The following CAMTA1 variants were observed in gnomAD, a reference collection of about 807,000 sequenced individuals.
CAMTA1 encodes the protein calmodulin binding transcription activator 1, also known as calmodulin-binding transcription activator 1.
Under a neutral mutation model 170.9 loss-of-function variants are expected in CAMTA1, and 27 were observed. That is an observed-to-expected ratio of 0.16 (90% CI 0.12 to 0.22). The LOEUF is 0.22. Ranked by LOEUF, CAMTA1 falls within the 10% of genes least tolerant of loss-of-function variation. CAMTA1 has a pLI of 1.00. For synonymous variants in CAMTA1, 833 were observed against 891.5 expected, an observed-to-expected ratio of 0.93 and a Z score of 1.17; for missense variants, 1,619 against 2,217.2, an observed-to-expected ratio of 0.73 and a Z score of 5.42.
At chr1:7,460,131 C>A (rs2093047925) in intron 5 of CAMTA1, among the ~76,000 whole-genome samples, 2 of 152,254 alleles carry the variant, frequency 1.3e-5, no homozygotes, top group Admixed American at 1.3e-4. Context: ...TGCACTCGGC[C>A]CCTGCAGCTT....
chr1:7,006,016 G>T (rs531836179), intron 3 of CAMTA1, among the ~76,000 whole-genome samples: 27 of 152,200 alleles, frequency 1.8e-4, no homozygotes, highest in Non-Finnish European at 3.4e-4. Flanking sequence ...AGAGAGGACA[G>T]GGAAGGTAGC....
intron 6 of CAMTA1, among the ~76,000 whole-genome samples, chr1:7,528,167 C>T (rs1356104863): frequency 6.6e-6 from 1 of 152,168 alleles, no homozygotes; most frequent in African/African-American, 2.4e-5. Context: ...GCAGACTGAT[C>T]TTGTTCCTGA....
intron 4 of CAMTA1, among the ~76,000 whole-genome samples, chr1:7,209,677 C>A (rs754298687): frequency 4.6e-5 from 7 of 152,130 alleles, no homozygotes; most frequent in Non-Finnish European, 8.8e-5. Context: ...TCCTGGTTTA[C>A]CTTGAATGTT....
chr1:7,719,741 C>T (rs12078131), intron 11 of CAMTA1, among the ~76,000 whole-genome samples: 4,014 of 152,248 alleles, frequency 0.026, 178 homozygotes, highest in African/African-American at 0.092. Flanking sequence ...ACTCTCGTGG[C>T]ACCATTTATT....
intron 6 of CAMTA1, among the ~76,000 whole-genome samples, chr1:7,563,068 T>C (rs546443797): frequency 6.6e-6 from 1 of 152,276 alleles, no homozygotes; most frequent in East Asian, 1.9e-4. Context: ...TTTGTGGCCT[T>C]TGGACGCCCA....
chr1:7,444,048 G>A (rs2092619319), intron 5 of CAMTA1, among the ~76,000 whole-genome samples: 1 of 152,156 alleles, frequency 6.6e-6, no homozygotes, highest in African/African-American at 2.4e-5. Flanking sequence ...CTGGGAGCAG[G>A]GAAAAGTCAG....
chr1:7,264,983 C>T lies in CAMTA1; in HGVS notation c.438+15357C>T, dbSNP rs189370211. On this transcript the variant is annotated intron_variant, in intron 5 of 22. Coordinates refer to ENST00000303635, the MANE Select transcript of CAMTA1 (RefSeq NM_015215.4). The stretch of plus-strand genomic sequence containing the variant: ...GCAAGAGAATGCTCTGAGTAGCAGT[C>T]GCGGCTTCCTTGGCTGACACCAGGG... 2.8e-3 allele frequency among the ~76,000 whole-genome samples: 432 copies of T among 152,304 alleles called. 3 individuals carry two copies. Among genetic ancestry groups the T allele is most frequent in the African/African-American group, 9.8e-3 (406 of 41,562 alleles).
intron 3 of CAMTA1, among the ~76,000 whole-genome samples, chr1:6,837,681 C>G (rs1297206984): frequency 2.6e-5 from 4 of 152,092 alleles, no homozygotes; most frequent in African/African-American, 4.8e-5. Flanking sequence ...TGTTAATGTG[C>G]TAGTTAAAAT....
At chr1:6,865,005 A>G (rs368563327) in intron 3 of CAMTA1, among the ~76,000 whole-genome samples, 6 of 152,138 alleles carry the variant, frequency 3.9e-5, no homozygotes, top group East Asian at 1.9e-4. Context: ...GGGTCTCACT[A>G]TGTGGCCCAG....
chr1:7,275,033 T>G (rs1468150540), intron 5 of CAMTA1, among the ~76,000 whole-genome samples: 1 of 151,360 alleles, frequency 6.6e-6, no homozygotes, highest in Non-Finnish European at 1.5e-5. Flanking sequence ...TCCCAGCTAC[T>G]TGTGAGGCTG....
At chr1:7,382,262 C>G (rs1467309609) in intron 5 of CAMTA1, among the ~76,000 whole-genome samples, 1 of 152,234 alleles carries the variant, frequency 6.6e-6, no homozygotes, top group Non-Finnish European at 1.5e-5. Context: ...CAAAGGGAAA[C>G]AGATAGCTAT....
rs572344615 is a variant in CAMTA1, at chr1:7,457,575, G to T, written c.439-10255G>T. 4.6e-5 allele frequency among the ~76,000 whole-genome samples: 7 copies of T among 152,220 alleles called. No individual in the cohort carries two copies. In the South Asian group the frequency reaches 1.5e-3, roughly 32 times the overall value. On this transcript the variant is annotated intron_variant, in intron 5 of 22. Coordinates refer to ENST00000303635, the MANE Select transcript of CAMTA1 (RefSeq NM_015215.4). ...TGCACACCTCCCTGGTTCCTTTCTGGAGCACACACTGTTCTCCGCGACTCT... is the reference window on the plus strand; with the variant it reads ...TGCACACCTCCCTGGTTCCTTTCTGTAGCACACACTGTTCTCCGCGACTCT...
intron 14 of CAMTA1, 44 bp downstream of exon 14, chr1:7,737,053 T>C (rs1224477126): frequency 6.7e-7 from 1 of 1,502,656 alleles, no homozygotes; most frequent in Non-Finnish European, 9.3e-7. Context: ...GTTCTTCCAG[T>C]CTGGCATAGG....
chr1:7,585,764 C>T lies in CAMTA1; in HGVS notation c.511-54636C>T, dbSNP rs987547691. Among the ~76,000 whole-genome samples the T allele has an allele frequency of 2.7e-5, 4 of 150,940 alleles. No individual in the cohort carries two copies. The highest frequency in any genetic ancestry group is 4.4e-5 in the Non-Finnish European group (3 of 68,002). ...TCCTAGAGGGGGGCTCTCTTGTGGA[C>T]AGACAGGCCAGAGACACGGCTCATC... On this transcript the variant is annotated intron_variant, in intron 6 of 22. Coordinates refer to ENST00000303635, the MANE Select transcript of CAMTA1 (RefSeq NM_015215.4). The surrounding 1 kb of genome is among the most constrained non-coding windows in gnomAD (Gnocchi z 4.8).
chr1:7,225,659 TCAGA>T (rs1661573864), intron 4 of CAMTA1, among the ~76,000 whole-genome samples: 2 of 152,162 alleles, frequency 1.3e-5, no homozygotes, highest in South Asian at 2.1e-4. Flanking sequence ...GGGTGGAAGC[TCAGA>T]CACTTAGCAG....
At chr1:6,994,403 C>T (rs933572977) in intron 3 of CAMTA1, among the ~76,000 whole-genome samples, 4 of 152,126 alleles carry the variant, frequency 2.6e-5, no homozygotes, top group Non-Finnish European at 5.9e-5. Context: ...AACATGTCTT[C>T]ATTTTGCCTT....
At chr1:7,708,089 G>T (rs1272679878) in intron 11 of CAMTA1, among the ~76,000 whole-genome samples, 3 of 152,296 alleles carry the variant, frequency 2.0e-5, no homozygotes, top group Non-Finnish European at 4.4e-5. Flanking sequence ...CTAGCACTTT[G>T]GGAGGCTGAG....
At chr1:7,713,752 A>C (rs1274227512) in intron 11 of CAMTA1, among the ~76,000 whole-genome samples, 2 of 152,150 alleles carry the variant, frequency 1.3e-5, no homozygotes, top group Non-Finnish European at 2.9e-5. Context: ...TGAATACAAG[A>C]TCTTATATGT....
In CAMTA1 at chr1:6,857,037, A is replaced by G. The variant is rs553089950; in HGVS notation, c.234+31827A>G. Reference sequence around the variant, plus strand: ...GTGTCCCTGTGAAGGGTTGCCCGTGATAGAGGTCTGAAATAGGAGATTCTT... The same window carrying G: ...GTGTCCCTGTGAAGGGTTGCCCGTGGTAGAGGTCTGAAATAGGAGATTCTT... On this transcript the variant is annotated intron_variant, in intron 3 of 22. Coordinates refer to ENST00000303635, the MANE Select transcript of CAMTA1 (RefSeq NM_015215.4). 3.9e-4 allele frequency among the ~76,000 whole-genome samples: 60 copies of G among 152,286 alleles called. No individual in the cohort carries two copies. In the South Asian group the frequency reaches 0.012, roughly 31 times the overall value.
Sources: gnomAD v4.1 joint callset for allele counts (sites outside exome capture counted in the v4.1 genomes callset) on GRCh38, gnomAD v4.1.1 for gene constraint, Gnocchi (gnomAD v3.1) non-coding constraint, MANE v1.5 for transcripts, NCBI Gene and HGNC (gene_info 2026-07-23, HGNC 2026-07-21) for gene names.